Variants in ENTHD1 observed in about 807,000 individuals in gnomAD.
ENTHD1 encodes the protein ENTH domain containing 1.
Under a neutral mutation model 39.1 loss-of-function variants are expected in ENTHD1, and 23 were observed. The observed-to-expected ratio is 0.59, with a 90% CI of 0.42 to 0.83. ENTHD1 has a LOEUF of 0.83. ENTHD1 is among the 40% of genes least tolerant of loss of function. ENTHD1 has a pLI of 0.00. For missense variants in ENTHD1, 624 were observed against 705.4 expected (o/e 0.88, Z 1.31); for synonymous variants, 230 against 258.2 (o/e 0.89, Z 1.05).
intron 5 of ENTHD1, among the ~76,000 whole-genome samples, chr22:39,815,946 A>T (rs996570269): frequency 1.1e-4 from 16 of 152,340 alleles, no homozygotes; most frequent in African/African-American, 3.8e-4. Context: ...ACATGTAGTA[A>T]AACTATAAAG....
At chr22:39,751,210 C>A in intron 6 of ENTHD1, 1 of 154,210 alleles carries the variant, frequency 6.5e-6, no homozygotes, top group South Asian at 1.9e-4. Context: ...ATTTGGACAT[C>A]ACATTTCTCA....
intron 5 of ENTHD1, among the ~76,000 whole-genome samples, chr22:39,772,571 A>G (rs867585456): frequency 2.0e-5 from 3 of 152,206 alleles, no homozygotes; most frequent in Non-Finnish European, 4.4e-5. Context: ...AAAAGAAGAA[A>G]GGTAGGTAGG....
intron 3 of ENTHD1, among the ~76,000 whole-genome samples, chr22:39,838,070 C>T (rs1459457761): frequency 2.0e-4 from 31 of 152,132 alleles, no homozygotes; most frequent in Admixed American, 2.0e-3. Flanking sequence ...AGTATATTTA[C>T]AGCATATGAT....
chr22:39,821,211 C>T, intron 4 of ENTHD1, 98 bp from the exon 5 acceptor site: 8 of 1,333,684 alleles, frequency 6.0e-6, no homozygotes, highest in Non-Finnish European at 7.2e-6. Flanking sequence ...GTGCTAACAT[C>T]ATCATAAACA....
At chr22:39,744,332 G>T (rs747664310) in intron 6 of ENTHD1, 49 bp from the exon 7 acceptor site, 4 of 1,476,108 alleles carry the variant, frequency 2.7e-6, no homozygotes, top group Non-Finnish European at 3.6e-6. Flanking sequence ...ATACAAATGA[G>T]AGTAATAGCT....
chr22:39,883,131 TATCA>T (rs1468548762), intron 2 of ENTHD1, among the ~76,000 whole-genome samples: 1 of 152,144 alleles, frequency 6.6e-6, no homozygotes, highest in Non-Finnish European at 1.5e-5. Flanking sequence ...TGTACAATGT[TATCA>T]ATCAATTGCT....
chr22:39,794,916 T>C (rs1460013074), intron 5 of ENTHD1, among the ~76,000 whole-genome samples: 1 of 152,238 alleles, frequency 6.6e-6, no homozygotes, highest in African/African-American at 2.4e-5. Context: ...TATATGGCCT[T>C]TCTTATGTTG....
chr22:39,824,040 T>C (rs2065804776), intron 4 of ENTHD1, among the ~76,000 whole-genome samples: 1 of 152,140 alleles, frequency 6.6e-6, no homozygotes, highest in African/African-American at 2.4e-5. Flanking sequence ...GCTCCAGATA[T>C]TAGTCCTTTG....
At chr22:39,806,234 T>A (rs551568422) in intron 5 of ENTHD1, among the ~76,000 whole-genome samples, 1 of 152,358 alleles carries the variant, frequency 6.6e-6, no homozygotes, top group East Asian at 1.9e-4. Context: ...TCCCTCACTA[T>A]TTCCTTAAAC....
At chr22:39,890,173 G>T (rs1047496459) in intron 1 of ENTHD1, among the ~76,000 whole-genome samples, 1 of 151,400 alleles carries the variant, frequency 6.6e-6, no homozygotes, top group Non-Finnish European at 1.5e-5. Context: ...TTAAATATCT[G>T]TTTAATTAAG....
intron 3 of ENTHD1, among the ~76,000 whole-genome samples, chr22:39,855,049 T>G (rs1569168868): frequency 1.3e-5 from 2 of 152,230 alleles, no homozygotes; most frequent in Non-Finnish European, 2.9e-5. Context: ...CACTACTGTT[T>G]CCTCATTTCT....
rs1379617550 is a variant in ENTHD1, at chr22:39,887,808, C to T, written c.-60G>A. On this transcript the variant is annotated 5_prime_UTR_variant, in exon 2 of 7. Coordinates refer to ENST00000325157, the MANE Select transcript of ENTHD1 (RefSeq NM_152512.4). ...AAAGCAATGGAATAACAGTTTATGT[C>T]ACGGGTTTATAAAACTCTTGACAGG... is the stretch of plus-strand genomic sequence containing the variant. The T allele has an allele frequency of 7.7e-7, 1 of 1,293,282 alleles. No individual in the cohort carries two copies. Among genetic ancestry groups the T allele is most frequent in the Admixed American group, 2.4e-5 (1 of 42,160 alleles). The allele number at this position is 1,293,282 out of a possible 1,614,324, so 80.1% of individuals were successfully genotyped here.
intron 3 of ENTHD1, among the ~76,000 whole-genome samples, chr22:39,842,277 T>A (rs1420087039): frequency 6.6e-6 from 1 of 152,208 alleles, no homozygotes; most frequent in African/African-American, 2.4e-5. Context: ...AATCTGAACG[T>A]CGGCCTGCCT....
chr22:39,789,220 A>G (rs937933750), intron 5 of ENTHD1, among the ~76,000 whole-genome samples: 1 of 152,166 alleles, frequency 6.6e-6, no homozygotes, highest in African/African-American at 2.4e-5. Flanking sequence ...ACTGATTTCA[A>G]TACCTTTGGA....
intron 1 of ENTHD1, among the ~76,000 whole-genome samples, chr22:39,890,866 C>T (rs2066421464): frequency 6.6e-6 from 1 of 152,152 alleles, no homozygotes; most frequent in South Asian, 2.1e-4. Flanking sequence ...ATGTAAAACA[C>T]CATTCTACTA....
chr22:39,758,209 C>T (rs774165291), intron 6 of ENTHD1, among the ~76,000 whole-genome samples: 14 of 152,052 alleles, frequency 9.2e-5, no homozygotes, highest in South Asian at 2.1e-4. Flanking sequence ...CTATCATCTT[C>T]GAATAAAAAC....
At chr22:39,750,839 T>C in intron 6 of ENTHD1, 1 of 158,936 alleles carries the variant, frequency 6.3e-6, no homozygotes, top group Non-Finnish European at 1.4e-5. Flanking sequence ...CTAGCTTCCA[T>C]GTTTTCTTCC....
At chr22:39,837,922 C>T (rs2065917885) in intron 3 of ENTHD1, among the ~76,000 whole-genome samples, 1 of 152,156 alleles carries the variant, frequency 6.6e-6, no homozygotes, top group African/African-American at 2.4e-5. Flanking sequence ...TAAAGTAAGA[C>T]ATTTTCTGAA....
chr22:39,773,116 TC>T (rs1569134369), intron 5 of ENTHD1, among the ~76,000 whole-genome samples: 1 of 30,252 alleles, frequency 3.3e-5, no homozygotes, highest in African/African-American at 1.7e-4. Context: ...AGACCTCATC[TC>T]AAAAAAAAAA....
Sources: gnomAD v4.1 joint callset for allele counts (sites outside exome capture counted in the v4.1 genomes callset) on GRCh38, gnomAD v4.1.1 for gene constraint, MANE v1.5 for transcripts, NCBI Gene and HGNC (gene_info 2026-07-23, HGNC 2026-07-21) for gene names.